ST7: variants seen among roughly 807,000 people sequenced by gnomAD.
ST7 encodes the protein suppressor of tumorigenicity 7 protein.
Under a neutral mutation model 78.7 loss-of-function variants are expected in ST7, and 28 were observed. The ratio of observed to expected loss-of-function variants is 0.36; its 90% CI spans 0.26 to 0.49. ST7 has a LOEUF of 0.49. Ranked by LOEUF, ST7 falls within the 20% of genes least tolerant of loss-of-function variation. The pLI, the probability that ST7 is intolerant of heterozygous loss-of-function variation, is 0.99. For synonymous variants in ST7, 247 were observed against 249.6 expected (o/e 0.99, Z 0.10); for missense variants, 418 against 696.0 (o/e 0.60, Z 4.49).
At chr7:116,957,852 T>C (rs950529433) in intron 1 of ST7, among the ~76,000 whole-genome samples, 2 of 152,256 alleles carry the variant, frequency 1.3e-5, no homozygotes, top group Admixed American at 6.5e-5. Flanking sequence ...AACTTTGCTG[T>C]TTTTGCAAAA....
At position 117,097,900 on chromosome 7, in the gene ST7, ATATATATATT is replaced by A. The variant is rs1353724356; in HGVS notation, c.152-1860_152-1851del. ...TATCACTATATATATATATATATAT[ATATATATATT>A]TTTTTTTTTTTTTTTTTTGATGGCC... On this transcript the variant is annotated intron_variant, in intron 1 of 15. Coordinates refer to ENST00000323984, the MANE Select transcript of ST7 (RefSeq NM_001369598.1). Among the ~76,000 whole-genome samples the A allele has an allele frequency of 7.1e-4, 20 of 28,136 alleles. 2 individuals carry two copies. The highest frequency in any genetic ancestry group is 1.8e-3 in the African/African-American group (12 of 6,650). 18.5% of individuals were successfully genotyped at this position (28,136 alleles called of 152,430 possible).
chr7:117,160,860 T>C (rs1359666826), intron 9 of ST7, among the ~76,000 whole-genome samples: 37 of 152,074 alleles, frequency 2.4e-4, no homozygotes, highest in Non-Finnish European at 2.1e-4. Context: ...AATGTAACTC[T>C]GAGGCATTCT....
chr7:117,222,866 T>A (rs1018444362), intron 15 of ST7: 2 of 1,613,666 alleles, frequency 1.2e-6, no homozygotes, highest in African/African-American at 2.7e-5. Context: ...TCCAGATGAT[T>A]GACATTTTCT....
intron 1 of ST7, among the ~76,000 whole-genome samples, chr7:117,055,067 C>CA (rs1254043537): frequency 1.3e-5 from 2 of 152,164 alleles, no homozygotes; most frequent in African/African-American, 4.8e-5. Context: ...GATTAATAGT[C>CA]ACCCAGTAAT....
Position 116,969,262 on chromosome 7 carries a change from A to G in ST7, c.151+15571A>G, listed in dbSNP as rs187097716. On this transcript the variant is annotated intron_variant, in intron 1 of 15. Coordinates refer to ENST00000323984, the MANE Select transcript of ST7 (RefSeq NM_001369598.1). The stretch of plus-strand genomic sequence containing the variant: ...TGATAACTTTACAATTTTGAGGAGT[A>G]TCATATCTCCCTAGAATCCTCTTGG... Among the ~76,000 whole-genome samples, 245 of 152,000 alleles carry G rather than the reference A, an allele frequency of 1.6e-3. 1 individual carries two copies. Among genetic ancestry groups the G allele is most frequent in the African/African-American group, 5.6e-3 (232 of 41,436 alleles).
chr7:117,210,079 A>G, intron 13 of ST7, 142 bp downstream of exon 13: 2 of 984,812 alleles, frequency 2.0e-6, no homozygotes, highest in Non-Finnish European at 2.9e-6. Flanking sequence ...CCAGTTAGTG[A>G]CTTAGGTTCT....
chr7:116,964,801 C>T (rs1469934118), intron 1 of ST7, among the ~76,000 whole-genome samples: 2 of 152,116 alleles, frequency 1.3e-5, no homozygotes, highest in Admixed American at 6.5e-5. Flanking sequence ...GCTGCCCAAT[C>T]GTTCTTTCCC....
At chr7:117,213,269 A>C (rs1792433326) in intron 13 of ST7, among the ~76,000 whole-genome samples, 1 of 152,120 alleles carries the variant, frequency 6.6e-6, no homozygotes, top group African/African-American at 2.4e-5. Context: ...TTCATTCTGA[A>C]ATTTAGGACC....
intron 1 of ST7, 39 bp from the exon 2 acceptor site, chr7:117,099,723 T>C (rs1349216614): frequency 2.0e-6 from 3 of 1,495,988 alleles, no homozygotes; most frequent in Admixed American, 3.5e-5. Flanking sequence ...ACTCATACAT[T>C]CCTTGTTCTT....
At chr7:116,972,999 C>T (rs1793511752) in intron 1 of ST7, 2 of 731,634 alleles carry the variant, frequency 2.7e-6, no homozygotes, top group Admixed American at 4.0e-5. Flanking sequence ...TTTGTTTATT[C>T]ACTTATCCAT....
At chr7:117,037,765 T>C (rs992891252) in intron 1 of ST7, among the ~76,000 whole-genome samples, 4 of 152,228 alleles carry the variant, frequency 2.6e-5, no homozygotes, top group African/African-American at 7.2e-5. Context: ...TAGGATTAAA[T>C]CCAGTATCTG....
intron 1 of ST7, among the ~76,000 whole-genome samples, chr7:117,099,066 CA>C (rs55999217): frequency 3.2e-5 from 3 of 94,538 alleles, no homozygotes; most frequent in African/African-American, 7.6e-5. Context: ...AAAAAAAAAA[CA>C]AAAAAAAAAG....
At chr7:116,958,675 A>C (rs1300569647) in intron 1 of ST7, 1 of 471,174 alleles carries the variant, frequency 2.1e-6, no homozygotes, top group Non-Finnish European at 4.4e-6. Flanking sequence ...GTTCCCGGCC[A>C]CTGCAATAAA....
intron 1 of ST7, chr7:116,958,763 C>T: frequency 4.4e-6 from 2 of 449,674 alleles, no homozygotes; most frequent in South Asian, 1.6e-5. Flanking sequence ...ATTAAGAGTG[C>T]AGTAGCATTA....
At chr7:116,967,290 C>T (rs1408237593) in intron 1 of ST7, 1 of 471,114 alleles carries the variant, frequency 2.1e-6, no homozygotes, top group Admixed American at 2.3e-5. Context: ...GGCTCACATA[C>T]CCGCAGTGGT....
intron 1 of ST7, among the ~76,000 whole-genome samples, chr7:117,030,002 A>T (rs1737871647): frequency 6.6e-6 from 1 of 152,084 alleles, no homozygotes; most frequent in Admixed American, 6.6e-5. Flanking sequence ...TTTTGGCTAT[A>T]TTTGATCCTT....
intron 1 of ST7, among the ~76,000 whole-genome samples, chr7:117,026,371 A>G (rs536710484): frequency 6.6e-6 from 1 of 152,220 alleles, no homozygotes; most frequent in Admixed American, 6.5e-5. Context: ...ATATCCTTCC[A>G]TTTTTTCCTA....
At chr7:117,183,445 A>G (rs1444524329) in intron 10 of ST7, among the ~76,000 whole-genome samples, 1 of 151,860 alleles carries the variant, frequency 6.6e-6, no homozygotes, top group Non-Finnish European at 1.5e-5. Context: ...AATTATATAT[A>G]TATAATTGAG....
chr7:117,109,617 C>G (rs1273434190), intron 2 of ST7, among the ~76,000 whole-genome samples: 1 of 152,052 alleles, frequency 6.6e-6, no homozygotes, highest in Non-Finnish European at 1.5e-5. Context: ...ATCAGACATT[C>G]AAAGAAGAAT....
Sources: allele counts gnomAD v4.1 joint callset (sites outside exome capture counted in the v4.1 genomes callset), GRCh38; gene constraint gnomAD v4.1.1; transcripts MANE v1.5; gene names NCBI Gene and HGNC (gene_info 2026-07-23, HGNC 2026-07-21).